Variants in SRPX2 observed in about 807,000 individuals in gnomAD.
The protein encoded by SRPX2 is sushi repeat containing protein X-linked 2.
A neutral mutation model predicts 45.3 loss-of-function variants in SRPX2; 26 were observed. The observed-to-expected ratio is 0.57, with a 90% CI of 0.42 to 0.80. The LOEUF (loss-of-function observed/expected upper bound fraction) is 0.80, where lower values mean the gene tolerates loss of function less well. Among genes scored for constraint, SRPX2 ranks in the 30% least tolerant of loss-of-function variants. The pLI is 0.00. For missense variants in SRPX2, 355 were observed against 399.8 expected (o/e 0.89, Z 0.95); for synonymous variants, 125 against 143.7 (o/e 0.87, Z 0.93).
intron 3 of SRPX2, among the ~76,000 whole-genome samples, chrX:100,655,428 G>T (rs932455873): frequency 9.0e-6 from 1 of 111,510 alleles, no homozygotes; most frequent in Admixed American, 9.5e-5. Context: ...AGCAGGGGTT[G>T]GGGGAAGACA....
chrX:100,663,286 T>C (rs997278114), intron 4 of SRPX2, among the ~76,000 whole-genome samples: 11 of 111,557 alleles, frequency 9.9e-5, no homozygotes, highest in African/African-American at 3.3e-4. Context: ...TCTGACACAA[T>C]TGAAAAATAT....
chrX:100,671,137 C>T lies in SRPX2; in HGVS notation c.*150C>T. ...TGACAAATCCTGCGGTGTTTCCAGG[C>T]ATCCTTTTAGGACTGTGTAATAGTT... On this transcript the variant is annotated 3_prime_UTR_variant, in exon 11 of 11. Transcript: ENST00000373004. The T allele has an allele frequency of 1.6e-6, 1 of 633,657 alleles. No individual in the cohort carries two copies. Among genetic ancestry groups the T allele is most frequent in the Non-Finnish European group, 2.5e-6 (1 of 401,171 alleles). The allele number at this position is 633,657 out of a possible 1,213,427, so 52.2% of individuals were successfully genotyped here.
chrX:100,652,375 A>G (rs2083156288), intron 3 of SRPX2, among the ~76,000 whole-genome samples: 1 of 112,489 alleles, frequency 8.9e-6, no homozygotes, highest in African/African-American at 3.2e-5. Flanking sequence ...ACAATGTCAA[A>G]AAAGAAAACT....
Position 100,667,258 on chromosome X carries a change from C to T in SRPX2, c.962-16C>T, listed in dbSNP as rs190642591. ...GAGAAAGCCGTACTCTGACTGGTCA[C>T]CTGCTTCTGCCCTAGCTATGAAGAT... is the stretch of plus-strand genomic sequence containing the variant. On this transcript the variant is annotated splice_polypyrimidine_tract_variant and intron_variant, in intron 8 of 10. Coordinates refer to ENST00000373004, the MANE Select transcript of SRPX2 (RefSeq NM_014467.3). The T allele has an allele frequency of 9.1e-6, 11 of 1,210,338 alleles. No homozygotes were observed. The African/African-American group carries it at 1.6e-4, about 17-fold the overall frequency.
chrX:100,650,018 G>A (rs889971537), intron 2 of SRPX2, among the ~76,000 whole-genome samples: 2 of 112,060 alleles, frequency 1.8e-5, no homozygotes, highest in African/African-American at 6.5e-5. Context: ...CCAGACAGCC[G>A]CAGACCTGCC....
At chrX:100,650,231 C>T (rs1425297591) in intron 2 of SRPX2, 1 of 117,142 alleles carries the variant, frequency 8.5e-6, no homozygotes, top group African/African-American at 3.2e-5. Context: ...TCCCTCTCGG[C>T]CTTGGCATGC....
At chrX:100,663,438 T>G (rs1275600947) in intron 4 of SRPX2, among the ~76,000 whole-genome samples, 1 of 111,930 alleles carries the variant, frequency 8.9e-6, no homozygotes, top group Non-Finnish European at 1.9e-5. Context: ...AAAGGGCAAA[T>G]GCTTTGGATC....
Position 100,674,919 on chromosome X carries a change from G to T in SRPX2, c.*3932G>T, listed in dbSNP as rs1378790840. Reference sequence around the variant, plus strand: ...AATTTAGGAAACAATAGCAAAAACAGGAACTGAAAGCTCATCAAGCAGGAA... The same window carrying T: ...AATTTAGGAAACAATAGCAAAAACATGAACTGAAAGCTCATCAAGCAGGAA... On this transcript the variant is annotated 3_prime_UTR_variant, in exon 11 of 11. Transcript: ENST00000373004. The T allele has an allele frequency of 1.8e-5, 2 of 111,608 alleles. No individual in the cohort carries two copies. Among genetic ancestry groups the T allele is most frequent in the Non-Finnish European group, 3.8e-5 (2 of 53,117 alleles). The allele number at this position is 111,608 out of a possible 1,213,427, so 9.2% of individuals were successfully genotyped here.
Position 100,665,291 on chromosome X carries a change from C to T in SRPX2, c.581C>T (p.Ala194Val). 1.7e-6 allele frequency: 2 copies of T among 1,209,994 alleles called. No individual in the cohort carries two copies. Among genetic ancestry groups the T allele is most frequent in the South Asian group, 3.5e-5 (2 of 56,358 alleles). The change falls in exon 6 of 11, where the codon GCA becomes GTA. Residue 194 changes from alanine (A) to valine (V), a missense_variant. By Grantham distance (64) the Ala-to-Val change is moderately conservative (BLOSUM62 0). Coordinates refer to ENST00000373004, the MANE Select transcript of SRPX2 (RefSeq NM_014467.3). ...TGTCCCCACTCACGTGAGAAGATGGCAGAGCCAGAGAAATTGACTGCTCGA... is the reference window on the plus strand; with the variant it reads ...TGTCCCCACTCACGTGAGAAGATGGTAGAGCCAGAGAAATTGACTGCTCGA... Reference protein sequence around the residue: ...IRCPHSREKMAEPEKLTARVY... With the variant: ...IRCPHSREKMVEPEKLTARVY...
Position 100,665,556 on chromosome X carries a change from A to G in SRPX2, c.680A>G (p.Glu227Gly). Residue 227 changes from glutamate to glycine, a missense_variant, in exon 7 of 11, where the codon GAG becomes GGG. By Grantham distance (98) the Glu-to-Gly change is moderately conservative. Transcript: ENST00000373004. Reference sequence around the variant, plus strand: ...TGCAGGGTGACACTTCGGGGCCCTGAGCCTGGCTCTCACTTTCCCGAAGGA... The same window carrying G: ...TGCAGGGTGACACTTCGGGGCCCTGGGCCTGGCTCTCACTTTCCCGAAGGA... The part of the protein sequence containing the change: ...TITRVTLRGP[E>G]PGSHFPEGEH... 1 of 1,212,165 alleles carries G rather than the reference A, an allele frequency of 8.2e-7. No homozygotes were observed. The highest frequency in any genetic ancestry group is 1.1e-6 in the Non-Finnish European group (1 of 895,590).
intron 3 of SRPX2, among the ~76,000 whole-genome samples, chrX:100,659,816 A>AGGATGT (rs1386832578): frequency 1.8e-5 from 1 of 55,077 alleles, no homozygotes; most frequent in Admixed American, 2.6e-4. Context: ...TTTCCCCCTT[A>AGGATGT]GGATGTGGGA....
In SRPX2 at chrX:100,674,466, T is replaced by C. The variant is rs902973275; in HGVS notation, c.*3479T>C. ...AGTGAGGACATCAGAGACAAAAGCA[T>C]TTATAGAACTAACAAACACAAACGT... On this transcript the variant is annotated 3_prime_UTR_variant, in exon 11 of 11. Transcript: ENST00000373004. The C allele has an allele frequency of 8.9e-6, 1 of 112,272 alleles. No individual in the cohort carries two copies. Among genetic ancestry groups the C allele is most frequent in the Admixed American group, 9.5e-5 (1 of 10,558 alleles). 9.3% of individuals were successfully genotyped at this position (112,272 alleles called of 1,213,427 possible).
chrX:100,667,813 A>T (rs1321819133), intron 9 of SRPX2, among the ~76,000 whole-genome samples: 2 of 112,450 alleles, frequency 1.8e-5, no homozygotes, highest in Non-Finnish European at 3.8e-5. Flanking sequence ...TTTTACACAT[A>T]TTCATCCAAT....
intron 9 of SRPX2, among the ~76,000 whole-genome samples, chrX:100,667,650 GAGTGTGGCAA>G (rs1340602145): frequency 1.8e-5 from 2 of 112,535 alleles, no homozygotes; most frequent in Non-Finnish European, 3.7e-5. Context: ...GATGGGAAGG[GAGTGTGGCAA>G]AGCACTCTGA....
At chrX:100,658,640 G>T (rs181820276) in intron 3 of SRPX2, among the ~76,000 whole-genome samples, 1 of 111,596 alleles carries the variant, frequency 9.0e-6, no homozygotes, top group East Asian at 2.8e-4. Flanking sequence ...TTATATTTCT[G>T]TGAAAAATGA....
chrX:100,670,837 C>T lies in SRPX2; in HGVS notation c.1248C>T (p.Phe416=), dbSNP rs794727034. 8.3e-7 allele frequency: 1 copy of T among 1,211,702 alleles called. No homozygotes were observed. Among genetic ancestry groups the T allele is most frequent in the Middle Eastern group, 2.3e-4 (1 of 4,351 alleles). Reference sequence around the variant, plus strand: ...TTCAGCGCCTCACTCGCTCCTACTTCAACATGGTGTTGATTGACAAGCAGG... The same window carrying T: ...TTCAGCGCCTCACTCGCTCCTACTTTAACATGGTGTTGATTGACAAGCAGG... ...RQFQRLTRSY[F]NMVLIDKQGI... Residue 416 remains phenylalanine, a synonymous_variant, in exon 11 of 11, where the codon TTC becomes TTT. Transcript: ENST00000373004.
rs2083228011 is a variant in SRPX2 at position 100,671,968 on chromosome X, T to C, written c.*981T>C. 8.9e-6 allele frequency: 1 copy of C among 112,092 alleles called. No individual in the cohort carries two copies. The highest frequency in any genetic ancestry group is 1.9e-5 in the Non-Finnish European group (1 of 53,208). The allele number at this position is 112,092 out of a possible 1,213,427, so 9.2% of individuals were successfully genotyped here. A position where few individuals can be genotyped will look rare whatever the true frequency, so the allele number is the denominator to read the frequency against. ...AGCAGAAGGCAAACGATTCTCTCCC[T>C]TCCTCAGAGGAGTCCCCAGCTTGTT... is the stretch of plus-strand genomic sequence containing the variant. On this transcript the variant is annotated 3_prime_UTR_variant, in exon 11 of 11. Transcript: ENST00000373004.
chrX:100,669,769 C>CTTTTTTT (rs3086931), intron 10 of SRPX2, among the ~76,000 whole-genome samples: 68 of 61,603 alleles, frequency 1.1e-3, no homozygotes, highest in Middle Eastern at 0.016. Context: ...CAAAAGCCAT[C>CTTTTTTT]TTTTTTTTTT....
chrX:100,664,624 A>G (rs772824163), intron 4 of SRPX2, 150 bp from the exon 5 acceptor site: 6 of 572,147 alleles, frequency 1.0e-5, no homozygotes, highest in Non-Finnish European at 1.7e-5. Flanking sequence ...ATTAGGGAAA[A>G]AGGCAGTTAG....
Sources: allele counts gnomAD v4.1 joint callset (sites outside exome capture counted in the v4.1 genomes callset), GRCh38; gene constraint gnomAD v4.1.1; transcripts MANE v1.5; gene names NCBI Gene and HGNC (gene_info 2026-07-23, HGNC 2026-07-21).